Variants in POLN observed in about 807,000 individuals in gnomAD.
The protein encoded by POLN is DNA polymerase nu, also known as DNA polymerase N.
POLN carries 108 observed loss-of-function variants against 113.5 expected under a neutral mutation model. That is an observed-to-expected ratio of 0.95 (90% CI 0.81 to 1.12). POLN has a LOEUF of 1.12. Among genes scored for constraint, POLN ranks in the 50% most tolerant of loss-of-function variants. The pLI, the probability that POLN is intolerant of heterozygous loss-of-function variation, is 0.00. For synonymous variants in POLN, 386 were observed against 391.5 expected (o/e 0.99, Z 0.17); for missense variants, 1,097 against 1,077.1 (o/e 1.02, Z -0.26).
intron 23 of POLN, 29 bp downstream of exon 23, chr4:2,080,929 C>G: frequency 6.2e-7 from 1 of 1,613,668 alleles, no homozygotes; most frequent in Non-Finnish European, 8.5e-7. Context: ...CCCTCCCATC[C>G]AAGCCCTGGG....
chr4:2,191,767 C>G (rs371916168), intron 7 of POLN, among the ~76,000 whole-genome samples: 4 of 152,186 alleles, frequency 2.6e-5, no homozygotes, highest in African/African-American at 9.6e-5. Flanking sequence ...AGATGAATCA[C>G]ATGATGTTTG....
intron 3 of POLN, among the ~76,000 whole-genome samples, chr4:2,222,108 T>C (rs768438207): frequency 1.1e-4 from 17 of 152,216 alleles, no homozygotes; most frequent in Non-Finnish European, 2.9e-5. Context: ...TTATTTTGCA[T>C]TCACATGGGT....
At chr4:2,220,470 C>T (rs1176621457) in intron 3 of POLN, among the ~76,000 whole-genome samples, 1 of 152,196 alleles carries the variant, frequency 6.6e-6, no homozygotes, top group Non-Finnish European at 1.5e-5. Flanking sequence ...TTCCCACTTG[C>T]CAGACTGACT....
At chr4:2,081,945 C>T (rs1461127099) in intron 21 of POLN, among the ~76,000 whole-genome samples, 1 of 140,190 alleles carries the variant, frequency 7.1e-6, no homozygotes, top group African/African-American at 3.0e-5. Flanking sequence ...GGGCACTCTG[C>T]ACTTTTTTTT....
intron 20 of POLN, among the ~76,000 whole-genome samples, chr4:2,091,920 T>C (rs1730676540): frequency 6.6e-6 from 1 of 152,238 alleles, no homozygotes; most frequent in African/African-American, 2.4e-5. Context: ...TTTATGTCTC[T>C]AGGGCTGAGC....
At chr4:2,140,334 C>A (rs1731968071) in intron 16 of POLN, among the ~76,000 whole-genome samples, 1 of 152,186 alleles carries the variant, frequency 6.6e-6, no homozygotes, top group Non-Finnish European at 1.5e-5. Context: ...GCCTCAGCCT[C>A]CCAAAGTGCT....
In POLN at chr4:2,081,046, G is replaced by A. The variant is rs568479769; in HGVS notation, c.2309-10C>T. On this transcript the variant is annotated splice_polypyrimidine_tract_variant and intron_variant, in intron 22 of 25. Coordinates refer to ENST00000511885, the MANE Select transcript of POLN (RefSeq NM_181808.4). Reference sequence around the variant, plus strand: ...AGGTCAGCAGCGGAGCCTATGGGGCGCGTGGTACTGTCTTGAGGTCCCATG... The same window carrying A: ...AGGTCAGCAGCGGAGCCTATGGGGCACGTGGTACTGTCTTGAGGTCCCATG... The A allele has an allele frequency of 6.9e-5, 112 of 1,613,486 alleles. No homozygotes were observed. Among genetic ancestry groups the A allele is most frequent in the African/African-American group, 6.5e-4 (49 of 75,022 alleles).
chr4:2,156,449 CA>C (rs878924562), intron 16 of POLN: 2 of 482,558 alleles, frequency 4.1e-6, no homozygotes, highest in South Asian at 3.1e-5. Flanking sequence ...ATCATAGCAT[CA>C]GATACTTCAA....
In POLN at chr4:2,141,239, G is replaced by A. The variant is rs545682822; in HGVS notation, c.1732-9949C>T. On this transcript the variant is annotated intron_variant, in intron 16 of 25. Coordinates refer to ENST00000511885, the MANE Select transcript of POLN (RefSeq NM_181808.4). ...GTGATCTGCAACTGAAAGTCTGCCTGAACACATGGATTGTGGTATTTTAAC... is the reference window on the plus strand; with the variant it reads ...GTGATCTGCAACTGAAAGTCTGCCTAAACACATGGATTGTGGTATTTTAAC... Among the ~76,000 whole-genome samples, 9 of 152,348 alleles carry A rather than the reference G, an allele frequency of 5.9e-5. No homozygotes were observed. The East Asian group carries it at 1.5e-3, about 26-fold the overall frequency.
In POLN at chr4:2,198,665, T is replaced by C; in HGVS notation, c.767A>G (p.Glu256Gly). The C allele has an allele frequency of 1.2e-6, 2 of 1,613,380 alleles. No homozygotes were observed. Among genetic ancestry groups the C allele is most frequent in the South Asian group, 2.2e-5 (2 of 90,974 alleles). The part of the protein sequence containing the change: ...GIVVLVKRQA[E>G]GGHGCPDAPA... ...GGCATCTGGACAGCCATGGCCACCCTCTGCTTGGCGTTTTACTAACACCAC... is the reference window on the plus strand; with the variant it reads ...GGCATCTGGACAGCCATGGCCACCCCCTGCTTGGCGTTTTACTAACACCAC... The change falls in exon 6 of 26, where the codon GAG becomes GGG. Residue 256 changes from glutamate (E) to glycine (G), a missense_variant. Glu to Gly is a moderately conservative substitution (Grantham distance 98, BLOSUM62 -2). Transcript: ENST00000511885.
intron 3 of POLN, among the ~76,000 whole-genome samples, chr4:2,223,867 G>A (rs970792008): frequency 2.0e-5 from 3 of 152,140 alleles, no homozygotes; most frequent in South Asian, 2.1e-4. Context: ...TCAGTGAGTG[G>A]GGAGTAAGTG....
At chr4:2,215,740 G>A (rs969515222) in intron 3 of POLN, among the ~76,000 whole-genome samples, 1 of 152,212 alleles carries the variant, frequency 6.6e-6, no homozygotes, top group East Asian at 1.9e-4. Flanking sequence ...CTTCAGGGAC[G>A]TTCTGGGAGC....
chr4:2,150,929 A>C (rs1208558553), intron 16 of POLN, among the ~76,000 whole-genome samples: 1 of 152,260 alleles, frequency 6.6e-6, no homozygotes, highest in African/African-American at 2.4e-5. Flanking sequence ...GGTTTCTTAG[A>C]TACAATATCA....
intron 24 of POLN, 55 bp downstream of exon 24, chr4:2,075,397 A>G (rs374703208): frequency 1.9e-6 from 3 of 1,580,104 alleles, no homozygotes; most frequent in Non-Finnish European, 2.6e-6. Flanking sequence ...TGGGGCATGG[A>G]GCCTCCTCTT....
intron 3 of POLN, among the ~76,000 whole-genome samples, chr4:2,214,281 C>G (rs1734061772): frequency 6.6e-6 from 1 of 151,898 alleles, no homozygotes; most frequent in Non-Finnish European, 1.5e-5. Flanking sequence ...GAAAAGACCT[C>G]TAGAAGAGAA....
rs148608036 is a variant in POLN at position 2,200,601 on chromosome 4, C to A, written c.715-1884G>T. 1.1e-4 allele frequency among the ~76,000 whole-genome samples: 16 copies of A among 152,234 alleles called. No homozygotes were observed. The East Asian group carries it at 3.1e-3, about 29-fold the overall frequency. On this transcript the variant is annotated intron_variant, in intron 5 of 25. Transcript: ENST00000511885. ...TGGTAGACTTGCTGGGTGGCTAGAT[C>A]CAGAAGACAGATAACAATCATTACA...
intron 19 of POLN, among the ~76,000 whole-genome samples, chr4:2,104,947 TG>T (rs1731026241): frequency 6.6e-6 from 1 of 152,100 alleles, no homozygotes; most frequent in African/African-American, 2.4e-5. Context: ...CGTGCACAGG[TG>T]GGGGCACACA....
intron 13 of POLN, among the ~76,000 whole-genome samples, chr4:2,159,840 G>A (rs34200936): frequency 0.081 from 12,311 of 152,066 alleles, 758 homozygotes; most frequent in African/African-American, 0.16. Flanking sequence ...TTATTTGCAC[G>A]GCTGTGTAGT....
chr4:2,171,558 CAACA>C (rs1026359172), intron 11 of POLN, among the ~76,000 whole-genome samples: 3 of 151,930 alleles, frequency 2.0e-5, no homozygotes, highest in Non-Finnish European at 4.4e-5. Context: ...GACACTGTCT[CAACA>C]AACAAACACA....
Sources: allele counts gnomAD v4.1 joint callset (sites outside exome capture counted in the v4.1 genomes callset), GRCh38; gene constraint gnomAD v4.1.1; transcripts MANE v1.5; gene names NCBI Gene and HGNC (gene_info 2026-07-23, HGNC 2026-07-21).